ISM1: variants seen among roughly 807,000 people sequenced by gnomAD.
The protein encoded by ISM1 is isthmin 1.
In ISM1, 25 loss-of-function variants were observed where a neutral mutation model predicts 46.3. The observed-to-expected ratio is 0.54, with a 90% CI of 0.39 to 0.75. The LOEUF (loss-of-function observed/expected upper bound fraction) is 0.75, where lower values mean the gene tolerates loss of function less well. ISM1 is among the 30% of genes least tolerant of loss of function. The pLI is 0.00. For synonymous variants in ISM1, 255 were observed against 256.7 expected (o/e 0.99, Z 0.06); for missense variants, 536 against 625.4 (o/e 0.86, Z 1.52).
chr20:13,269,134 C>T (rs2040081936), intron 1 of ISM1, among the ~76,000 whole-genome samples: 1 of 152,130 alleles, frequency 6.6e-6, no homozygotes, highest in African/African-American at 2.4e-5. Context: ...CTGAAATATA[C>T]ACTCCCAAAC....
At chr20:13,266,285 A>C (rs2040042377) in intron 1 of ISM1, among the ~76,000 whole-genome samples, 1 of 152,198 alleles carries the variant, frequency 6.6e-6, no homozygotes, top group Non-Finnish European at 1.5e-5. Context: ...CTAGGCTGTA[A>C]GAAGAGGATA....
intron 1 of ISM1, among the ~76,000 whole-genome samples, chr20:13,243,336 G>GACACA (rs1239461326): frequency 3.9e-5 from 6 of 152,172 alleles, no homozygotes; most frequent in African/African-American, 1.4e-4. Flanking sequence ...GCTCAGAAGT[G>GACACA]ACACACATCA....
At chr20:13,322,458 A>C in the ISM1 span, among the ~76,000 whole-genome samples, 2 of 152,214 alleles carry the variant, frequency 1.3e-5, no homozygotes. Context: ...GCAGCTGACC[A>C]TATTGCAAAC....
At chr20:13,250,694 C>T (rs540394046) in intron 1 of ISM1, among the ~76,000 whole-genome samples, 8 of 152,270 alleles carry the variant, frequency 5.3e-5, no homozygotes, top group South Asian at 2.1e-4. Flanking sequence ...GGGTAAGATT[C>T]GTGTCTATCT....
chr20:13,298,844 G>A (rs938685553), intron 5 of ISM1, 98 bp from the exon 6 acceptor site: 5 of 1,225,414 alleles, frequency 4.1e-6, no homozygotes, highest in Non-Finnish European at 4.6e-6. Context: ...GTCCTCCTGC[G>A]GGCCCTCAGG....
At chr20:13,324,927 C>T in the ISM1 span, among the ~76,000 whole-genome samples, 1 of 152,168 alleles carries the variant, frequency 6.6e-6, no homozygotes, top group African/African-American at 2.4e-5. Flanking sequence ...TACAAGGATC[C>T]CTAGCTTTGA....
chr20:13,230,029 T>TCATTTGTG (rs1395970837), intron 1 of ISM1, among the ~76,000 whole-genome samples: 1 of 152,212 alleles, frequency 6.6e-6, no homozygotes, highest in Non-Finnish European at 1.5e-5. Flanking sequence ...TAAAGTTCTA[T>TCATTTGTG]CATTTGTGCT....
chr20:13,233,553 C>T (rs2039613972), intron 1 of ISM1, among the ~76,000 whole-genome samples: 1 of 144,774 alleles, frequency 6.9e-6, no homozygotes, highest in Admixed American at 7.2e-5. Flanking sequence ...CAAGACTGTG[C>T]TATTGCATTC....
chr20:13,269,196 G>A (rs2040082763), intron 1 of ISM1, among the ~76,000 whole-genome samples: 1 of 152,142 alleles, frequency 6.6e-6, no homozygotes. Flanking sequence ...CCCAAAGCCT[G>A]GTGAAATTCT....
chr20:13,263,345 C>T (rs1416528352), intron 1 of ISM1, among the ~76,000 whole-genome samples: 1 of 152,012 alleles, frequency 6.6e-6, no homozygotes, highest in South Asian at 2.1e-4. Context: ...CCCCACCACC[C>T]CCTGCTTCCA....
chr20:13,286,657 C>T (rs1314978731), intron 3 of ISM1, among the ~76,000 whole-genome samples: 4 of 152,158 alleles, frequency 2.6e-5, no homozygotes, highest in Admixed American at 6.5e-5. Context: ...AAATCCACCC[C>T]CCACCACCCC....
chr20:13,273,193 T>C (rs1426434173), intron 2 of ISM1, among the ~76,000 whole-genome samples: 1 of 150,062 alleles, frequency 6.7e-6, no homozygotes, highest in East Asian at 1.9e-4. Flanking sequence ...TCCCATTCCC[T>C]ACCTAGACCT....
chr20:13,236,284 G>A (rs1278340265), intron 1 of ISM1, among the ~76,000 whole-genome samples: 5 of 152,134 alleles, frequency 3.3e-5, no homozygotes, highest in Non-Finnish European at 7.3e-5. Flanking sequence ...TACAGTAGAA[G>A]ACAATTATGT....
At chr20:13,224,991 G>C (rs1475001899) in intron 1 of ISM1, among the ~76,000 whole-genome samples, 1 of 150,572 alleles carries the variant, frequency 6.6e-6, no homozygotes, top group Non-Finnish European at 1.5e-5. Context: ...GACTACAGGC[G>C]CCTGCCACCA....
At chr20:13,227,487 G>T (rs181105313) in intron 1 of ISM1, among the ~76,000 whole-genome samples, 1 of 147,682 alleles carries the variant, frequency 6.8e-6, no homozygotes, top group Non-Finnish European at 1.5e-5. Flanking sequence ...ACAGGTGTGA[G>T]CCACCATGCC....
In ISM1 at chr20:13,236,542, G is replaced by T. The variant is rs568099964; in HGVS notation, c.138+14628G>T. Among the ~76,000 whole-genome samples, 17 of 152,114 alleles carry T rather than the reference G, an allele frequency of 1.1e-4. No individual in the cohort carries two copies. In the East Asian group the frequency reaches 3.3e-3, roughly 29 times the overall value. ...ATGCCTTCCCAACAGTCCCCCAAAG[G>T]CTTAATTTATTTCAGAATTAACCCA... On this transcript the variant is annotated intron_variant, in intron 1 of 5. Coordinates refer to ENST00000262487, the MANE Select transcript of ISM1 (RefSeq NM_080826.2).
At chr20:13,291,254 A>G (rs1173475723) in intron 4 of ISM1, among the ~76,000 whole-genome samples, 2 of 152,058 alleles carry the variant, frequency 1.3e-5, no homozygotes, top group Non-Finnish European at 2.9e-5. Context: ...TCTGCCTCTC[A>G]GTTCCTGGCT....
chr20:13,278,704 T>C (rs1390976987), intron 2 of ISM1, among the ~76,000 whole-genome samples: 1 of 152,220 alleles, frequency 6.6e-6, no homozygotes, highest in Non-Finnish European at 1.5e-5. Context: ...GACCACGGGA[T>C]TGCTGTGGGT....
At position 13,221,707 on chromosome 20, in the gene ISM1, T is replaced by C. The variant is rs1479571154; in HGVS notation, c.-70T>C. On this transcript the variant is annotated 5_prime_UTR_variant, in exon 1 of 6. Transcript: ENST00000262487. ...TGCCGGGCTCCCGGGCTCCTACTCC[T>C]CCTCCCCCGGCGTCACCGCCGCCGC... The C allele has an allele frequency of 9.4e-6, 12 of 1,276,628 alleles. No individual in the cohort carries two copies. In the East Asian group the frequency reaches 3.7e-4, roughly 39 times the overall value. The allele number at this position is 1,276,628 out of a possible 1,614,324, so 79.1% of individuals were successfully genotyped here.
Sources: allele counts gnomAD v4.1 joint callset (sites outside exome capture counted in the v4.1 genomes callset), GRCh38; gene constraint gnomAD v4.1.1; transcripts MANE v1.5; gene names NCBI Gene and HGNC (gene_info 2026-07-23, HGNC 2026-07-21).